NR5A2: variants seen among roughly 807,000 people sequenced by gnomAD.
NR5A2 encodes the protein nuclear receptor subfamily 5 group A member 2.
NR5A2 carries 26 observed loss-of-function variants against 62.7 expected under a neutral mutation model. That is an observed-to-expected ratio of 0.41 (90% CI 0.30 to 0.58). The LOEUF is 0.58. NR5A2 is among the 20% of genes least tolerant of loss of function. The pLI, the probability that NR5A2 is intolerant of heterozygous loss-of-function variation, is 0.22. For synonymous variants in NR5A2, 246 were observed against 241.7 expected, an observed-to-expected ratio of 1.02 and a Z score of -0.16; for missense variants, 541 against 669.1, an observed-to-expected ratio of 0.81 and a Z score of 2.11.
intron 7 of NR5A2, among the ~76,000 whole-genome samples, chr1:200,148,945 G>A (rs1388943790): frequency 1.5e-5 from 2 of 132,598 alleles, no homozygotes; most frequent in Admixed American, 9.0e-5. Context: ...ACCAAGTCTC[G>A]CTCTGTCACC....
rs1218764609 is a variant in NR5A2 at position 200,174,486 on chromosome 1, A to G, written c.*276A>G. 1 of 242,770 alleles carries G rather than the reference A, an allele frequency of 4.1e-6. No individual in the cohort carries two copies. The highest frequency in any genetic ancestry group is 7.8e-6 in the Non-Finnish European group (1 of 128,194). The allele number at this position is 242,770 out of a possible 1,614,324, so 15.0% of individuals were successfully genotyped here. On this transcript the variant is annotated 3_prime_UTR_variant, in exon 8 of 8. Coordinates refer to ENST00000367362, the MANE Select transcript of NR5A2 (RefSeq NM_205860.3). ...AAGACATTGTAATGGAGTGGATTGA[A>G]CTCACAGATGGATACCAACACGGTC...
At chr1:200,065,534 C>T (rs1663428331) in intron 5 of NR5A2, among the ~76,000 whole-genome samples, 1 of 152,196 alleles carries the variant, frequency 6.6e-6, no homozygotes, top group Non-Finnish European at 1.5e-5. Flanking sequence ...AGTATATGCA[C>T]ACATCGAGGG....
chr1:200,106,735 A>G (rs955154137), intron 5 of NR5A2, among the ~76,000 whole-genome samples: 5 of 152,098 alleles, frequency 3.3e-5, no homozygotes, highest in African/African-American at 1.2e-4. Flanking sequence ...TCCTTTTTCT[A>G]CCCACACCCC....
At chr1:200,106,794 A>C (rs1321881506) in intron 5 of NR5A2, among the ~76,000 whole-genome samples, 1 of 152,204 alleles carries the variant, frequency 6.6e-6, no homozygotes, top group Non-Finnish European at 1.5e-5. Flanking sequence ...AATTGTCAAC[A>C]TTGCTCAATT....
rs1662462538 is a variant in NR5A2, at chr1:200,048,172, C to T, written c.464C>T (p.Ala155Val). The T allele has an allele frequency of 6.2e-7, 1 of 1,600,538 alleles. No individual in the cohort carries two copies. The highest frequency in any genetic ancestry group is 8.5e-7 in the Non-Finnish European group (1 of 1,171,724). ...KCLSVGMKLE[A>V]VRADRMRGGR... ...CTTCCCCCCACCCCACCCCCAACAG[C>T]TGTAAGGGCCGACCGAATGCGTGGA... The change falls in exon 5 of 8, where the codon GCT (alanine) becomes GTT (valine). Residue 155 changes from alanine (A) to valine (V), a missense_variant and splice_region_variant. Around this residue, in one of 3 missense-constraint regions of NR5A2, gnomAD observed 54 missense variants for 123.8 expected, o/e 0.44. Coordinates refer to ENST00000367362, the MANE Select transcript of NR5A2 (RefSeq NM_205860.3). The surrounding 1 kb of genome is among the most constrained non-coding windows in gnomAD (Gnocchi z 4.8).
At chr1:200,109,300 T>C (rs971337029) in intron 5 of NR5A2, among the ~76,000 whole-genome samples, 2 of 152,208 alleles carry the variant, frequency 1.3e-5, no homozygotes, top group African/African-American at 4.8e-5. Context: ...GTAATTTCTT[T>C]TTCTCTTCTA....
At chr1:200,129,139 A>T (rs1253360068) in intron 7 of NR5A2, among the ~76,000 whole-genome samples, 1 of 151,952 alleles carries the variant, frequency 6.6e-6, no homozygotes, top group Non-Finnish European at 1.5e-5. Flanking sequence ...CTGGCCCCAT[A>T]CCCCAGGCCC....
chr1:200,143,948 C>T (rs1010848875), intron 7 of NR5A2, among the ~76,000 whole-genome samples: 3 of 151,926 alleles, frequency 2.0e-5, no homozygotes, highest in Admixed American at 6.6e-5. Flanking sequence ...TACTGTTCAC[C>T]GTTTAAATCC....
Position 200,039,711 on chromosome 1 carries a change from G to A in NR5A2, c.118G>A (p.Val40Ile). The A allele has an allele frequency of 5.6e-6, 9 of 1,612,224 alleles. No homozygotes were observed. The highest frequency in any genetic ancestry group is 7.6e-6 in the Non-Finnish European group (9 of 1,179,216). Residue 40 changes from valine (V) to isoleucine (I), a missense_variant, in exon 2 of 8, where the codon GTC (valine) becomes ATC (isoleucine). Physicochemically the swap from Val to Ile is conservative, Grantham distance 29. Around this residue, in one of 3 missense-constraint regions of NR5A2, gnomAD observed 108 missense variants for 103.3 expected, o/e 1.05. Coordinates refer to ENST00000367362, the MANE Select transcript of NR5A2 (RefSeq NM_205860.3). This position sits in a 1 kb window ranked among gnomAD's most constrained non-coding sequence, Gnocchi z 5.1. The stretch of plus-strand genomic sequence containing the variant: ...CCCCATCCCCGCCCGCGGTCGCCTT[G>A]TCATGCTGCCCAAAGTGGAGACGGA... ...GSPIPARGRL[V>I]MLPKVETEAL...
intron 1 of NR5A2, among the ~76,000 whole-genome samples, chr1:200,034,660 C>T (rs1661687305): frequency 6.6e-6 from 1 of 151,890 alleles, no homozygotes; most frequent in South Asian, 2.1e-4. Context: ...CGTTTTCCTC[C>T]GCGATAAAAA....
Position 200,048,944 on chromosome 1 carries a change from A to G in NR5A2, c.1110+126A>G. On this transcript the variant is annotated intron_variant, in intron 5 of 7. Transcript: ENST00000367362. The surrounding 1 kb of genome is among the most constrained non-coding windows in gnomAD (Gnocchi z 4.8). ...ATTTTCTACTTTGTATGATTTACAG[A>G]GTAGACGTAATTTTATTACCTTGAC... 2 of 1,211,886 alleles carry G rather than the reference A, an allele frequency of 1.7e-6. No individual in the cohort carries two copies. Among genetic ancestry groups the G allele is most frequent in the Non-Finnish European group, 2.3e-6 (2 of 870,052 alleles). 75.1% of individuals were successfully genotyped at this position (1,211,886 alleles called of 1,614,324 possible).
intron 1 of NR5A2, among the ~76,000 whole-genome samples, chr1:200,034,968 G>T (rs1253877020): frequency 4.6e-5 from 7 of 151,918 alleles, no homozygotes; most frequent in Non-Finnish European, 8.8e-5. Flanking sequence ...GCCTACGGGC[G>T]TGGGCGGGTA....
intron 1 of NR5A2, among the ~76,000 whole-genome samples, chr1:200,028,790 T>C (rs1661441673): frequency 6.6e-6 from 1 of 152,132 alleles, no homozygotes; most frequent in Admixed American, 6.6e-5. Flanking sequence ...TGTCATGAGC[T>C]CTCTGAGTCT....
At chr1:200,160,200 GTT>G (rs1653581174) in intron 7 of NR5A2, among the ~76,000 whole-genome samples, 1 of 152,196 alleles carries the variant, frequency 6.6e-6, no homozygotes, top group Admixed American at 6.5e-5. Context: ...ATCATGAATA[GTT>G]TACACGAAGA....
Position 200,177,085 on chromosome 1 carries a change from A to T in NR5A2, c.*2875A>T, listed in dbSNP as rs1654453734. ...ATTGTTAGCCGATTTGTAACCTGGC[A>T]TTTACTTAGCAACTGCCTTATCAAT... On this transcript the variant is annotated 3_prime_UTR_variant, in exon 8 of 8. Transcript: ENST00000367362. The T allele has an allele frequency of 6.6e-6, 1 of 152,412 alleles. No homozygotes were observed. Among genetic ancestry groups the T allele is most frequent in the Non-Finnish European group, 1.5e-5 (1 of 68,034 alleles). 9.4% of individuals were successfully genotyped at this position (152,412 alleles called of 1,614,324 possible).
chr1:200,114,463 TACAG>T (rs1666124943), intron 6 of NR5A2, among the ~76,000 whole-genome samples: 1 of 152,154 alleles, frequency 6.6e-6, no homozygotes, highest in African/African-American at 2.4e-5. Context: ...AATTCACACA[TACAG>T]GTGTAATTTA....
chr1:200,069,687 T>C (rs575098929), intron 5 of NR5A2, among the ~76,000 whole-genome samples: 1 of 152,336 alleles, frequency 6.6e-6, no homozygotes, highest in Non-Finnish European at 1.5e-5. Flanking sequence ...GAGGTCCTCA[T>C]ACTGCAGAAA....
chr1:200,096,129 T>C (rs532669072), intron 5 of NR5A2, among the ~76,000 whole-genome samples: 2 of 152,292 alleles, frequency 1.3e-5, no homozygotes, highest in South Asian at 4.1e-4. Context: ...AGGTGGAGTC[T>C]GTCACCCAGG....
intron 5 of NR5A2, among the ~76,000 whole-genome samples, chr1:200,049,507 T>A (rs1259447617): frequency 1.3e-5 from 2 of 152,198 alleles, no homozygotes; most frequent in Admixed American, 1.3e-4. Context: ...TAGTACTTGT[T>A]TGTATAGGGA....
Sources: gnomAD v4.1 joint callset for allele counts (sites outside exome capture counted in the v4.1 genomes callset) on GRCh38, gnomAD v4.1.1 for gene constraint, gnomAD v4.1.1 regional missense constraint, Gnocchi (gnomAD v3.1) non-coding constraint, MANE v1.5 for transcripts, NCBI Gene and HGNC (gene_info 2026-07-23, HGNC 2026-07-21) for gene names.